The following PPM1H variants were observed in gnomAD, a reference collection of about 807,000 sequenced individuals.
The protein encoded by PPM1H is protein phosphatase 1H.
A neutral mutation model predicts 54.9 loss-of-function variants in PPM1H; 27 were observed. The ratio of observed to expected loss-of-function variants is 0.49; its 90% CI spans 0.36 to 0.68. PPM1H has a LOEUF of 0.68. Ranked by LOEUF, PPM1H falls within the 30% of genes least tolerant of loss-of-function variation. The pLI, the probability that PPM1H is intolerant of heterozygous loss-of-function variation, is 0.00. For synonymous variants in PPM1H, 305 were observed against 270.8 expected (o/e 1.13, Z -1.24); for missense variants, 596 against 667.8 (o/e 0.89, Z 1.19).
At chr12:62,827,099 C>T (rs80268413) in intron 2 of PPM1H, among the ~76,000 whole-genome samples, 1 of 152,312 alleles carries the variant, frequency 6.6e-6, no homozygotes, top group East Asian at 1.9e-4. Flanking sequence ...TAAATCTAAG[C>T]CTCCTTAGGC....
intron 1 of PPM1H, among the ~76,000 whole-genome samples, chr12:62,926,744 TG>T (rs950365394): frequency 1.3e-5 from 2 of 152,050 alleles, no homozygotes; most frequent in African/African-American, 4.8e-5. Context: ...CACCTGAGGT[TG>T]GGAGCTTGAG....
chr12:62,726,402 T>G (rs992741572), intron 5 of PPM1H, among the ~76,000 whole-genome samples: 8 of 152,186 alleles, frequency 5.3e-5, no homozygotes, highest in Admixed American at 2.6e-4. Context: ...TTCTTTTTAA[T>G]GTATCCATAA....
chr12:62,801,556 T>G (rs2076769546), intron 3 of PPM1H, among the ~76,000 whole-genome samples: 1 of 152,190 alleles, frequency 6.6e-6, no homozygotes, highest in Admixed American at 6.5e-5. Flanking sequence ...ACCTCCTGCC[T>G]CGGCCTCCCA....
intron 4 of PPM1H, among the ~76,000 whole-genome samples, chr12:62,784,903 C>T (rs1427371308): frequency 1.3e-5 from 2 of 152,212 alleles, no homozygotes; most frequent in Non-Finnish European, 2.9e-5. Flanking sequence ...AATACCAACT[C>T]ACATTGTTCT....
intron 2 of PPM1H, among the ~76,000 whole-genome samples, chr12:62,817,483 CAAA>C (rs1246465210): frequency 2.1e-5 from 3 of 142,398 alleles, no homozygotes; most frequent in Admixed American, 7.0e-5. Flanking sequence ...AACAAACAAA[CAAA>C]AAAAAAACTA....
chr12:62,658,343 C>T (rs1264436815), intron 9 of PPM1H, among the ~76,000 whole-genome samples: 1 of 151,994 alleles, frequency 6.6e-6, no homozygotes, highest in Non-Finnish European at 1.5e-5. Context: ...ATTCCCTGGC[C>T]CTAGTTCCTC....
At chr12:62,795,034 C>T (rs1315496021) in intron 3 of PPM1H, among the ~76,000 whole-genome samples, 1 of 152,120 alleles carries the variant, frequency 6.6e-6, no homozygotes, top group Non-Finnish European at 1.5e-5. Context: ...GTTGTAGGGG[C>T]ACACCTACCT....
intron 1 of PPM1H, among the ~76,000 whole-genome samples, chr12:62,858,924 C>G (rs1869496687): frequency 1.3e-5 from 2 of 152,146 alleles, no homozygotes; most frequent in African/African-American, 4.8e-5. Context: ...GAGAATACAA[C>G]CTAAAACCCA....
chr12:62,804,752 T>C (rs1410785390), intron 2 of PPM1H, among the ~76,000 whole-genome samples: 11 of 142,946 alleles, frequency 7.7e-5, no homozygotes, highest in African/African-American at 2.9e-4. Context: ...CTCGGCTCAC[T>C]GCAAGCTCCG....
At chr12:62,735,079 T>C (rs1565772861) in intron 5 of PPM1H, among the ~76,000 whole-genome samples, 1 of 151,986 alleles carries the variant, frequency 6.6e-6, no homozygotes, top group East Asian at 1.9e-4. Context: ...AAGGTGAGGA[T>C]AGGATATAAT....
chr12:62,883,351 C>T (rs1870463690), intron 1 of PPM1H, among the ~76,000 whole-genome samples: 2 of 152,054 alleles, frequency 1.3e-5, no homozygotes, highest in South Asian at 2.1e-4. Context: ...ACCCATTACC[C>T]CCGGGCTCCA....
At chr12:62,848,726 C>G (rs540129128) in intron 1 of PPM1H, among the ~76,000 whole-genome samples, 1 of 151,974 alleles carries the variant, frequency 6.6e-6, no homozygotes, top group East Asian at 2.0e-4. Context: ...CAGCCTCATT[C>G]CACTGAGCTA....
chr12:62,754,747 G>A (rs1220099839), intron 4 of PPM1H, among the ~76,000 whole-genome samples: 1 of 152,158 alleles, frequency 6.6e-6, no homozygotes, highest in Admixed American at 6.5e-5. Flanking sequence ...GTCTTTACTT[G>A]GACTTTAGAA....
chr12:62,890,737 C>T (rs1469073714), intron 1 of PPM1H, among the ~76,000 whole-genome samples: 6 of 151,342 alleles, frequency 4.0e-5, no homozygotes, highest in African/African-American at 1.2e-4. Flanking sequence ...CACACACACA[C>T]ACACACACAC....
chr12:62,795,653 C>T (rs549138841), intron 3 of PPM1H, among the ~76,000 whole-genome samples: 3 of 152,058 alleles, frequency 2.0e-5, no homozygotes, highest in Non-Finnish European at 4.4e-5. Context: ...ACCGTGGTCT[C>T]AATCTCCTGA....
intron 4 of PPM1H, among the ~76,000 whole-genome samples, chr12:62,763,210 G>A (rs1453457678): frequency 2.0e-5 from 3 of 152,208 alleles, no homozygotes; most frequent in Admixed American, 2.0e-4. Context: ...ACACTGGGCT[G>A]TTTGGGTGGA....
intron 1 of PPM1H, among the ~76,000 whole-genome samples, chr12:62,864,976 G>A (rs1030288302): frequency 7.2e-5 from 11 of 152,184 alleles, no homozygotes; most frequent in Non-Finnish European, 7.3e-5. Flanking sequence ...CAATCACAAT[G>A]AGAAATGATA....
chr12:62,692,382 ACT>A (rs1251364356), intron 7 of PPM1H, among the ~76,000 whole-genome samples: 1 of 152,018 alleles, frequency 6.6e-6, no homozygotes, highest in African/African-American at 2.4e-5. Context: ...AAATTAGAAA[ACT>A]CTTGCTCCTT....
intron 1 of PPM1H, among the ~76,000 whole-genome samples, chr12:62,903,732 G>A (rs921885553): frequency 6.6e-6 from 1 of 152,120 alleles, no homozygotes; most frequent in Admixed American, 6.5e-5. Flanking sequence ...GCCATGGGGT[G>A]GGGGAGTGGG....
Sources: gnomAD v4.1 joint callset for allele counts (sites outside exome capture counted in the v4.1 genomes callset) on GRCh38, gnomAD v4.1.1 for gene constraint, MANE v1.5 for transcripts, NCBI Gene and HGNC (gene_info 2026-07-23, HGNC 2026-07-21) for gene names.